The following ADGRA2 variants were observed in gnomAD, a reference collection of about 807,000 sequenced individuals.
ADGRA2 encodes adhesion G protein-coupled receptor A2, also known as G-protein coupled receptor 124.
A neutral mutation model predicts 98.7 loss-of-function variants in ADGRA2; 61 were observed. The observed-to-expected ratio is 0.62, with a 90% CI of 0.50 to 0.76. The LOEUF is 0.76. Ranked by LOEUF, ADGRA2 falls within the 30% of genes least tolerant of loss-of-function variation. The pLI is 0.00. For missense variants in ADGRA2, 1,712 were observed against 1,860.0 expected (o/e 0.92, Z 1.46); for synonymous variants, 858 against 831.5 (o/e 1.03, Z -0.55).
chr8:37,842,219 C>T lies in ADGRA2; in HGVS notation c.3881C>T (p.Ser1294Leu), dbSNP rs778483167. 1.3e-5 allele frequency: 20 copies of T among 1,547,550 alleles called. No individual in the cohort carries two copies. Among genetic ancestry groups the T allele is most frequent in the East Asian group, 4.9e-5 (2 of 40,552 alleles). The change falls in exon 19 of 19, where the codon TCG becomes TTG. Residue 1294 changes from serine to leucine, a missense_variant. By Grantham distance (145) the Ser-to-Leu change is moderately radical. Coordinates refer to ENST00000412232, the MANE Select transcript of ADGRA2 (RefSeq NM_032777.10). ...GALEKESHRR[S>L]YPLNAASLNG... ...CTGGAGAAGGAGAGCCATCGCCGCT[C>T]GTACCCGCTCAACGCCGCCAGCCTA...
chr8:37,835,198 G>GCCTA lies in ADGRA2; in HGVS notation c.1637_1640dup (p.Ile548ProfsTer37), dbSNP rs753251459. 1 of 1,613,700 alleles carries GCCTA rather than the reference G, an allele frequency of 6.2e-7. No homozygotes were observed. The highest frequency in any genetic ancestry group is 8.5e-7 in the Non-Finnish European group (1 of 1,179,854). On this transcript the variant is annotated frameshift_variant, in exon 12 of 19. Coordinates refer to ENST00000412232, the MANE Select transcript of ADGRA2 (RefSeq NM_032777.10). LOFTEE classifies it high-confidence loss of function. The stretch of plus-strand genomic sequence containing the variant: ...GAATGCGAGGAACGTGGCATTGGAG[G>GCCTA]CCTACCTCATCAAGCCGCACAGCTA...
rs375163748 is a variant in ADGRA2 at position 37,837,784 on chromosome 8, T to C, written c.2104T>C (p.Trp702Arg). The part of the protein sequence containing the change: ...TEPVAVSLRH[W>R]AEGAEPVAAW... ...GCCAGTGGCCGTTTCGCTGCGGCAC[T>C]GGGCTGAGGGAGCCGAACCTGTGGC... Residue 702 changes from tryptophan (W) to arginine (R), a missense_variant, in exon 14 of 19, where the codon TGG (tryptophan) becomes CGG (arginine). Physicochemically the swap from Trp to Arg is moderately radical, Grantham distance 101. Coordinates refer to ENST00000412232, the MANE Select transcript of ADGRA2 (RefSeq NM_032777.10). 171 of 1,551,032 alleles carry C rather than the reference T, an allele frequency of 1.1e-4. No individual in the cohort carries two copies. In the Middle Eastern group the frequency reaches 2.7e-3, roughly 24 times the overall value.
intron 18 of ADGRA2, 96 bp from the exon 19 acceptor site, chr8:37,840,990 C>A (rs981813811): frequency 2.3e-6 from 3 of 1,311,496 alleles, no homozygotes; most frequent in East Asian, 4.7e-5. Flanking sequence ...TCCTTGTCTC[C>A]GTACTCACCA....
At chr8:37,817,606 G>A (rs1805016883) in intron 2 of ADGRA2, among the ~76,000 whole-genome samples, 2 of 152,090 alleles carry the variant, frequency 1.3e-5, no homozygotes, top group African/African-American at 2.4e-5. Flanking sequence ...CTACTCAGGA[G>A]GCTGAGGTGG....
At position 37,797,352 on chromosome 8, in the gene ADGRA2, G is replaced by T; in HGVS notation, c.84G>T (p.Ala28=). ...TGCCGTGGCTCCTGCTGCTCCTGGC[G>T]CCCGAGGCTCGGGGCGCGCCCGGCT... ...PLLPWLLLLL[A]PEARGAPGCP... Residue 28 remains alanine, a synonymous_variant, in exon 1 of 19, where the codon GCG becomes GCT. Transcript: ENST00000412232. The surrounding 1 kb of genome is among the most constrained non-coding windows in gnomAD (Gnocchi z 5.3). The T allele has an allele frequency of 7.1e-7, 1 of 1,406,282 alleles. No homozygotes were observed. Among genetic ancestry groups the T allele is most frequent in the Non-Finnish European group, 9.2e-7 (1 of 1,082,712 alleles). 87.1% of individuals were successfully genotyped at this position (1,406,282 alleles called of 1,614,324 possible).
Position 37,830,666 on chromosome 8 carries a change from A to G in ADGRA2, c.719-44A>G, listed in dbSNP as rs1168559662. 9.5e-7 allele frequency: 1 copy of G among 1,056,180 alleles called. No individual in the cohort carries two copies. The highest frequency in any genetic ancestry group is 2.3e-5 in the Admixed American group (1 of 44,180). 65.4% of individuals were successfully genotyped at this position (1,056,180 alleles called of 1,614,324 possible). A position where few individuals can be genotyped will look rare whatever the true frequency, so the allele number is the denominator to read the frequency against. On this transcript the variant is annotated intron_variant, in intron 6 of 18. Coordinates refer to ENST00000412232, the MANE Select transcript of ADGRA2 (RefSeq NM_032777.10). The surrounding 1 kb of genome is among the most constrained non-coding windows in gnomAD (Gnocchi z 4.8). ...CTCTCGCTCACACGTGCAGCCTCAC[A>G]TGCGTGTGCACTCGGGCCTCACGCC...
chr8:37,837,874 C>T lies in ADGRA2; in HGVS notation c.2194C>T (p.Arg732Cys), dbSNP rs762378669. ...GGWTSEGCQLRSSQPNVSALH... is the reference protein window; with the variant it reads ...GGWTSEGCQLCSSQPNVSALH... ...CTGGACCTCGGAGGGCTGCCAGCTC[C>T]GCTCCAGCCAGCCCAATGTCAGCGC... is the stretch of plus-strand genomic sequence containing the variant. Residue 732 changes from arginine to cysteine, a missense_variant, in exon 14 of 19, where the codon CGC becomes TGC. Coordinates refer to ENST00000412232, the MANE Select transcript of ADGRA2 (RefSeq NM_032777.10). The T allele has an allele frequency of 3.5e-5, 52 of 1,496,230 alleles. No individual in the cohort carries two copies. Among genetic ancestry groups the T allele is most frequent in the East Asian group, 7.3e-5 (3 of 40,850 alleles). The allele number at this position is 1,496,230 out of a possible 1,614,324, so 92.7% of individuals were successfully genotyped here. A position where few individuals can be genotyped will look rare whatever the true frequency, so the allele number is the denominator to read the frequency against.
intron 2 of ADGRA2, among the ~76,000 whole-genome samples, chr8:37,822,620 C>T (rs913630767): frequency 1.3e-5 from 2 of 152,202 alleles, no homozygotes; most frequent in Non-Finnish European, 2.9e-5. Flanking sequence ...CCTCATTCCT[C>T]CACCCCCTCT....
rs142536589 is a variant in ADGRA2 at position 37,840,222 on chromosome 8, G to A, written c.2613G>A (p.Pro871=). The A allele has an allele frequency of 5.6e-5, 91 of 1,612,704 alleles. 1 individual carries two copies. Among genetic ancestry groups the A allele is most frequent in the African/African-American group, 3.5e-4 (26 of 75,040 alleles). ...HKELTWRAPP[P]QEGDPALPTP... Reference sequence around the variant, plus strand: ...AGCTCACCTGGAGGGCACCCCCTCCGCAAGAAGGGGACCCCGCTCTGCCTA... The same window carrying A: ...AGCTCACCTGGAGGGCACCCCCTCCACAAGAAGGGGACCCCGCTCTGCCTA... Residue 871 remains proline, a synonymous_variant, in exon 17 of 19, where the codon CCG becomes CCA. Transcript: ENST00000412232.
At position 37,841,878 on chromosome 8, in the gene ADGRA2, T is replaced by C; in HGVS notation, c.3540T>C (p.Arg1180=). ...ACCCCAACAACGTGCACCACGGGCG[T>C]CGGGCGCACAAGAGCCGGGCCAAGG... is the stretch of plus-strand genomic sequence containing the variant. ...HRHPNNVHHG[R]RAHKSRAKGH... The change falls in exon 19 of 19, where the codon CGT becomes CGC. Residue 1180 remains arginine, a synonymous_variant. Transcript: ENST00000412232. This position sits in a 1 kb window ranked among gnomAD's most constrained non-coding sequence, Gnocchi z 5.0. 1 of 1,534,042 alleles carries C rather than the reference T, an allele frequency of 6.5e-7. No individual in the cohort carries two copies.
intron 13 of ADGRA2, among the ~76,000 whole-genome samples, chr8:37,836,304 T>A (rs1805614171): frequency 6.6e-6 from 1 of 152,098 alleles, no homozygotes; most frequent in African/African-American, 2.4e-5. Context: ...GTGAGAAGCA[T>A]CCTGAAAAGG....
chr8:37,834,700 C>G lies in ADGRA2; in HGVS notation c.1609-474C>G, dbSNP rs1805556586. On this transcript the variant is annotated intron_variant, in intron 11 of 18. Coordinates refer to ENST00000412232, the MANE Select transcript of ADGRA2 (RefSeq NM_032777.10). This position sits in a 1 kb window ranked among gnomAD's most constrained non-coding sequence, Gnocchi z 4.2. ...CCCAAGGCCAGGAGTTGGAGACCAG[C>G]CTGGGCAACAGAGAGACCTGGTCTC... 6.6e-6 allele frequency among the ~76,000 whole-genome samples: 1 copy of G among 151,998 alleles called. No individual in the cohort carries two copies. The highest frequency in any genetic ancestry group is 1.5e-5 in the Non-Finnish European group (1 of 68,002).
At chr8:37,808,814 A>AT (rs1417430881) in intron 1 of ADGRA2, among the ~76,000 whole-genome samples, 50 of 151,756 alleles carry the variant, frequency 3.3e-4, no homozygotes, top group African/African-American at 1.1e-3. Context: ...TTCTTTATTT[A>AT]TTTTTATTTT....
rs1480282596 is a variant in ADGRA2, at chr8:37,835,699, C to A, written c.1979C>A (p.Thr660Asn). 1 of 1,613,822 alleles carries A rather than the reference C, an allele frequency of 6.2e-7. No individual in the cohort carries two copies. The highest frequency in any genetic ancestry group is 1.3e-5 in the African/African-American group (1 of 74,932). ...NGRLFHSHSN[T>N]SRPGAAGPGK... ...CGCCTCTTCCACAGCCACAGCAACACCTCCCGCCCTGGAGCTGCTGGGCCT... is the reference window on the plus strand; with the variant it reads ...CGCCTCTTCCACAGCCACAGCAACAACTCCCGCCCTGGAGCTGCTGGGCCT... The change falls in exon 13 of 19, where the codon ACC (threonine) becomes AAC (asparagine). Residue 660 changes from threonine to asparagine, a missense_variant. Physicochemically the swap from Thr to Asn is moderately conservative, Grantham distance 65. Transcript: ENST00000412232.
intron 16 of ADGRA2, among the ~76,000 whole-genome samples, 172 bp from the exon 17 acceptor site, chr8:37,839,949 G>C (rs1180453270): frequency 1.3e-5 from 2 of 152,202 alleles, no homozygotes; most frequent in Admixed American, 1.3e-4. Context: ...GGTGAAGGCA[G>C]AGGGTGGCAG....
chr8:37,829,075 G>A (rs1229747843), intron 3 of ADGRA2, 116 bp downstream of exon 3: 28 of 591,566 alleles, frequency 4.7e-5, no homozygotes, highest in East Asian at 3.0e-4. Context: ...CCTCCTTTCC[G>A]CTTGGGTGCC....
At chr8:37,812,187 T>C (rs1164198470) in intron 1 of ADGRA2, among the ~76,000 whole-genome samples, 2 of 150,918 alleles carry the variant, frequency 1.3e-5, no homozygotes, top group Non-Finnish European at 2.9e-5. Context: ...TTGTTGTTGT[T>C]GTTGTCAGCT....
At chr8:37,810,005 C>A (rs551456869) in intron 1 of ADGRA2, among the ~76,000 whole-genome samples, 2 of 152,064 alleles carry the variant, frequency 1.3e-5, no homozygotes, top group Non-Finnish European at 2.9e-5. Context: ...CACCAGTGCC[C>A]GCAGCTGGTC....
In ADGRA2 at chr8:37,835,304, C is replaced by A; in HGVS notation, c.1739C>A (p.Pro580His). 6.2e-7 allele frequency: 1 copy of A among 1,613,730 alleles called. No individual in the cohort carries two copies. Among genetic ancestry groups the A allele is most frequent in the East Asian group, 2.2e-5 (1 of 44,870 alleles). ...GTRPGSPGQN[P>H]PPEPEPPADQ... is the part of the protein sequence containing the mutation. ...CGGCCAGGAAGCCCTGGCCAGAACC[C>A]CCCACCTGAGCCCGAGCCCCCAGCT... The change falls in exon 12 of 19, where the codon CCC becomes CAC. Residue 580 changes from proline to histidine, a missense_variant. Physicochemically the swap from Pro to His is moderately conservative, Grantham distance 77 (BLOSUM62 -2). Coordinates refer to ENST00000412232, the MANE Select transcript of ADGRA2 (RefSeq NM_032777.10).
Sources: gnomAD v4.1 joint callset for allele counts (sites outside exome capture counted in the v4.1 genomes callset) on GRCh38, gnomAD v4.1.1 for gene constraint, Gnocchi (gnomAD v3.1) non-coding constraint, MANE v1.5 for transcripts, NCBI Gene and HGNC (gene_info 2026-07-23, HGNC 2026-07-21) for gene names.